MSH3: variants seen among roughly 807,000 people sequenced by gnomAD.
MSH3 encodes mutS homolog 3.
Under a neutral mutation model 123.3 loss-of-function variants are expected in MSH3, and 106 were observed. The ratio of observed to expected loss-of-function variants is 0.86; its 90% confidence interval spans 0.73 to 1.01. The LOEUF (loss-of-function observed/expected upper bound fraction) is 1.01. Among genes scored for constraint, MSH3 ranks in the 50% least tolerant of loss-of-function variants. The pLI is 0.00. For missense variants in MSH3, 1,459 were observed against 1,347.6 expected (o/e 1.08, Z -1.29); for synonymous variants, 515 against 481.4 (o/e 1.07, Z -0.91).
chr5:80,663,945 A>T (rs1474699934), intron 2 of MSH3, among the ~76,000 whole-genome samples: 4 of 152,336 alleles, frequency 2.6e-5, no homozygotes, highest in African/African-American at 7.2e-5. Flanking sequence ...TAGGGAAGGT[A>T]AGAGGTGATA....
chr5:80,661,625 A>C (rs528787464), intron 2 of MSH3, among the ~76,000 whole-genome samples: 1 of 152,290 alleles, frequency 6.6e-6, no homozygotes, highest in Admixed American at 6.5e-5. Context: ...GCATATTTAT[A>C]AATTGTATTT....
At position 80,654,968 on chromosome 5, in the gene MSH3, G is replaced by A. The variant is rs1466149546; in HGVS notation, c.237+4G>A. 5 of 1,459,604 alleles carry A rather than the reference G, an allele frequency of 3.4e-6. No homozygotes were observed. The African/African-American group carries it at 6.5e-5, about 19-fold the overall frequency. 90.4% of individuals were successfully genotyped at this position (1,459,604 alleles called of 1,614,324 possible). A position where few individuals can be genotyped will look rare whatever the true frequency, so the allele number is the denominator to read the frequency against. ...GCCCCAGCTGCCGCCGCACATAGTA[G>A]GTTCTGTCTGGGACTGGGCAGGGCC... is the stretch of plus-strand genomic sequence containing the variant. On this transcript the variant is annotated splice_donor_region_variant and intron_variant, in intron 1 of 23. Transcript: ENST00000265081.
At position 80,654,927 on chromosome 5, in the gene MSH3, C is replaced by G. The variant is rs1460806829; in HGVS notation, c.200C>G (p.Pro67Arg). ...AAAAAAPPAPPAPAFPPQLPP... is the reference protein window; with the variant it reads ...AAAAAAPPAPRAPAFPPQLPP... ...GCGGCCGCAGCGCCCCCAGCGCCCCCAGCTCCCGCCTTCCCGCCCCAGCTG... is the reference window on the plus strand; with the variant it reads ...GCGGCCGCAGCGCCCCCAGCGCCCCGAGCTCCCGCCTTCCCGCCCCAGCTG... The change falls in exon 1 of 24, where the codon CCA (proline) becomes CGA (arginine). Residue 67 changes from proline (P) to arginine (R), a missense_variant. Transcript: ENST00000265081. 2.5e-6 allele frequency: 2 copies of G among 812,670 alleles called. No homozygotes were observed. Among genetic ancestry groups the G allele is most frequent in the Admixed American group, 8.1e-5 (2 of 24,704 alleles). The allele number at this position is 812,670 out of a possible 1,614,324, so 50.3% of individuals were successfully genotyped here. A position where few individuals can be genotyped will look rare whatever the true frequency, so the allele number is the denominator to read the frequency against.
At chr5:80,726,253 A>C (rs991408262) in intron 9 of MSH3, among the ~76,000 whole-genome samples, 2 of 152,120 alleles carry the variant, frequency 1.3e-5, no homozygotes, top group African/African-American at 4.8e-5. Context: ...CTTGGCATAA[A>C]CTTGGCTTCA....
At chr5:80,729,552 C>T (rs1359670256) in intron 10 of MSH3, among the ~76,000 whole-genome samples, 1 of 148,548 alleles carries the variant, frequency 6.7e-6, no homozygotes, top group Non-Finnish European at 1.5e-5. Context: ...CAAAACTGTG[C>T]TTTATACTAA....
intron 17 of MSH3, among the ~76,000 whole-genome samples, chr5:80,785,084 A>T (rs1228407792): frequency 6.6e-6 from 1 of 152,188 alleles, no homozygotes; most frequent in African/African-American, 2.4e-5. Context: ...TGTAATCTGG[A>T]TATCTTTTTC....
intron 19 of MSH3, among the ~76,000 whole-genome samples, chr5:80,805,585 C>G (rs1055351313): frequency 1.2e-5 from 1 of 80,456 alleles, no homozygotes; most frequent in Non-Finnish European, 2.3e-5. Flanking sequence ...GATGCCCCCC[C>G]CCCCTACCTT....
rs143739705 is a variant in MSH3, at chr5:80,751,352, G to A, written c.1763+6737G>A. 3.8e-3 allele frequency among the ~76,000 whole-genome samples: 580 copies of A among 152,208 alleles called. 2 individuals carry two copies. The highest frequency in any genetic ancestry group is 0.027 in the Middle Eastern group (8 of 294). On this transcript the variant is annotated intron_variant, in intron 12 of 23. Coordinates refer to ENST00000265081, the MANE Select transcript of MSH3 (RefSeq NM_002439.5). Reference sequence around the variant, plus strand: ...TTTATGAAAAGTTTCATGAGACCTCGGAATAAACACCACACATCTACAACT... The same window carrying A: ...TTTATGAAAAGTTTCATGAGACCTCAGAATAAACACCACACATCTACAACT...
In MSH3 at chr5:80,787,760, TAC is replaced by T; in HGVS notation, c.2543+90_2543+91del. 6.7e-6 allele frequency: 6 copies of T among 898,832 alleles called. No homozygotes were observed. In the South Asian group the frequency reaches 8.3e-5, roughly 12 times the overall value. 55.7% of individuals were successfully genotyped at this position (898,832 alleles called of 1,614,324 possible). A position where few individuals can be genotyped will look rare whatever the true frequency, so the allele number is the denominator to read the frequency against. On this transcript the variant is annotated intron_variant, in intron 18 of 23. Coordinates refer to ENST00000265081, the MANE Select transcript of MSH3 (RefSeq NM_002439.5). ...TTATAGTGTCTTTATTATAAAATAT[TAC>T]AGTTACTCAAATGTGTTAGACTCTT... is the stretch of plus-strand genomic sequence containing the variant.
intron 8 of MSH3, among the ~76,000 whole-genome samples, chr5:80,702,792 G>A (rs1346420196): frequency 4.0e-5 from 6 of 151,894 alleles, no homozygotes; most frequent in Admixed American, 1.3e-4. Context: ...AAGGTGGATC[G>A]CTTGAGCTCA....
At chr5:80,679,999 C>T (rs974047210) in intron 8 of MSH3, among the ~76,000 whole-genome samples, 4 of 152,130 alleles carry the variant, frequency 2.6e-5, no homozygotes, top group South Asian at 2.1e-4. Context: ...CGGTGGCTCA[C>T]GCCTGTAATC....
chr5:80,734,199 A>G (rs1381438294), intron 10 of MSH3, among the ~76,000 whole-genome samples: 1 of 152,228 alleles, frequency 6.6e-6, no homozygotes, highest in African/African-American at 2.4e-5. Context: ...CATCAGTCAC[A>G]AAAAGTCTCG....
chr5:80,691,889 G>C (rs1750268209), intron 8 of MSH3, among the ~76,000 whole-genome samples: 1 of 132,050 alleles, frequency 7.6e-6, no homozygotes, highest in South Asian at 2.4e-4. Flanking sequence ...AGATAAACGT[G>C]TATATGTTTA....
intron 19 of MSH3, among the ~76,000 whole-genome samples, chr5:80,807,061 A>C (rs1475986331): frequency 6.6e-6 from 1 of 151,764 alleles, no homozygotes; most frequent in East Asian, 1.9e-4. Context: ...ATGTGATGGC[A>C]CCCACCCATG....
intron 16 of MSH3, among the ~76,000 whole-genome samples, chr5:80,777,888 CA>C (rs1320938760): frequency 3.3e-5 from 5 of 152,192 alleles, no homozygotes; most frequent in Non-Finnish European, 7.3e-5. Context: ...CCACCACCAC[CA>C]CAACCACAAT....
At chr5:80,808,088 G>C (rs1163402892) in intron 19 of MSH3, among the ~76,000 whole-genome samples, 1 of 152,030 alleles carries the variant, frequency 6.6e-6, no homozygotes, top group African/African-American at 2.4e-5. Context: ...TAATTACTAA[G>C]TACTTTTTGT....
chr5:80,656,326 C>G, intron 1 of MSH3, 85 bp from the exon 2 acceptor site: 2 of 1,551,212 alleles, frequency 1.3e-6, no homozygotes, highest in Admixed American at 1.7e-5. Context: ...CCTTGTCATT[C>G]AGTTGTAAGG....
intron 18 of MSH3, among the ~76,000 whole-genome samples, chr5:80,788,463 A>G (rs1744553236): frequency 1.3e-5 from 2 of 152,012 alleles, no homozygotes; most frequent in South Asian, 4.1e-4. Context: ...TTTTTTTCAG[A>G]CAAAACTTTC....
chr5:80,679,039 C>G lies in MSH3; in HGVS notation c.1286C>G (p.Pro429Arg). ...CTGCAGCCAGTAGAGCTGCTGCTTC[C>G]TTCGGCCTTGTCCGAGCAAACAGAG... The part of the protein sequence containing the change: ...SSLQPVELLL[P>R]SALSEQTEAL... Residue 429 changes from proline (P) to arginine (R), a missense_variant, in exon 8 of 24, where the codon CCT becomes CGT. By Grantham distance (103) the Pro-to-Arg change is moderately radical. Transcript: ENST00000265081. 1 of 1,614,156 alleles carries G rather than the reference C, an allele frequency of 6.2e-7. No individual in the cohort carries two copies. The highest frequency in any genetic ancestry group is 8.5e-7 in the Non-Finnish European group (1 of 1,180,024).
Sources: gnomAD v4.1 joint callset for allele counts (sites outside exome capture counted in the v4.1 genomes callset) on GRCh38, gnomAD v4.1.1 for gene constraint, MANE v1.5 for transcripts, NCBI Gene and HGNC (gene_info 2026-07-23, HGNC 2026-07-21) for gene names.